Variants in ARMCX4 observed in about 807,000 individuals in gnomAD.
The protein encoded by ARMCX4 is armadillo repeat-containing X-linked protein 4.
In ARMCX4, 3 loss-of-function variants were observed where a neutral mutation model predicts 34.7. The observed-to-expected ratio is 0.09, with a 90% CI of 0.04 to 0.22. The LOEUF is 0.22. Among genes scored for constraint, ARMCX4 ranks in the 10% least tolerant of loss-of-function variants. The probability of loss-of-function intolerance (pLI) is 1.00; values close to 1 mark genes in which losing one functional copy is unlikely to be tolerated. For missense variants in ARMCX4, 1,448 were observed against 1,720.8 expected (o/e 0.84, Z 2.81); for synonymous variants, 513 against 632.8 (o/e 0.81, Z 2.84).
intron 2 of ARMCX4, among the ~76,000 whole-genome samples, chrX:101,426,827 A>C (rs1243584593): frequency 8.9e-6 from 1 of 111,880 alleles, no homozygotes; most frequent in Non-Finnish European, 1.9e-5. Context: ...TCCAAAGCCC[A>C]TGATCTTAAC....
In ARMCX4 at chrX:101,492,886, A is replaced by G; in HGVS notation, c.4297A>G (p.Ile1433Val). 8.7e-7 allele frequency: 1 copy of G among 1,153,009 alleles called. No individual in the cohort carries two copies. The highest frequency in any genetic ancestry group is 2.6e-5 in the Admixed American group (1 of 38,542). ...GTCATGGGCTAACTCTGGGGACCAA[A>G]TCAGTGGAGGATTCTTAGTTGGGAT... is the stretch of plus-strand genomic sequence containing the variant. The part of the protein sequence containing the change: ...GRSWANSGDQ[I>V]SGGFLVGIVD... Residue 1433 changes from isoleucine to valine, a missense_variant, in exon 6 of 6, where the codon ATC becomes GTC. Ile to Val is a conservative substitution (Grantham distance 29). Coordinates refer to ENST00000423738, the MANE Select transcript of ARMCX4 (RefSeq NM_001256155.3).
At chrX:101,524,058 G>A (rs1356105129) in intron 11 of ARMCX4, 1 of 110,668 alleles carries the variant, frequency 9.0e-6, no homozygotes, top group Admixed American at 9.7e-5. Flanking sequence ...CTGCACCAGA[G>A]CTGGAGCCAG....
chrX:101,452,194 A>G (rs1454522495), downstream of ARMCX4, among the ~76,000 whole-genome samples: 5 of 112,226 alleles, frequency 4.5e-5, no homozygotes. Flanking sequence ...TATAACAAAG[A>G]TCAGTGATTG....
intron 2 of ARMCX4, among the ~76,000 whole-genome samples, chrX:101,438,800 T>C (rs1931013909): frequency 9.0e-6 from 1 of 110,984 alleles, no homozygotes; most frequent in South Asian, 3.8e-4. Context: ...AACCCCTGCC[T>C]TTTTTTGTTT....
At chrX:101,452,290 G>T (rs894717859), downstream of ARMCX4, among the ~76,000 whole-genome samples, 1 of 111,470 alleles carries the variant, frequency 9.0e-6, no homozygotes, top group Non-Finnish European at 1.9e-5. Flanking sequence ...GATCTAAGAA[G>T]CAGAAGTTAT....
intron 11 of ARMCX4, chrX:101,516,744 C>T (rs1934753156): frequency 9.0e-6 from 1 of 111,181 alleles, no homozygotes; most frequent in Admixed American, 9.7e-5. Flanking sequence ...TTACCAAACC[C>T]TCGTCTGATA....
At position 101,475,858 on chromosome X, in the gene ARMCX4, GTA is replaced by G. The variant is rs781795050; in HGVS notation, c.-472-10151_-472-10150del. On this transcript the variant is annotated intron_variant and NMD_transcript_variant, in intron 4 of 15. Transcript: ENST00000433011. Reference sequence around the variant, plus strand: ...GCTTCAAAATATGCAATGCAAAATAGTATATATATATATATGGAAACATTGTT... The same window carrying G: ...GCTTCAAAATATGCAATGCAAAATAGTATATATATATATGGAAACATTGTT... 9.1e-3 allele frequency among the ~76,000 whole-genome samples: 991 copies of G among 108,591 alleles called. 10 individuals are homozygous for G. Among genetic ancestry groups the G allele is most frequent in the African/African-American group, 0.03 (910 of 29,989 alleles). The allele number at this position is 108,591 out of a possible 115,157, so 94.3% of individuals were successfully genotyped here. A position where few individuals can be genotyped will look rare whatever the true frequency, so the allele number is the denominator to read the frequency against.
Position 101,493,167 on chromosome X carries a change from T to C in ARMCX4, c.4578T>C (p.Ala1526=). 2 of 1,154,802 alleles carry C rather than the reference T, an allele frequency of 1.7e-6. No individual in the cohort carries two copies. The highest frequency in any genetic ancestry group is 1.1e-6 in the Non-Finnish European group (1 of 872,542). Residue 1526 remains alanine, a synonymous_variant, in exon 6 of 6, where the codon GCT becomes GCC. Transcript: ENST00000423738. Reference sequence around the variant, plus strand: ...CGAATGGAGGGTCTTGGGGTGGGGCTAGTGGCCAGGATGTTGGAGGGTCTA... The same window carrying C: ...CGAATGGAGGGTCTTGGGGTGGGGCCAGTGGCCAGGATGTTGGAGGGTCTA... The part of the protein sequence containing the change: ...SQTNGGSWGG[A]SGQDVGGSRP...
rs369108897 is a variant in ARMCX4 at position 101,442,717 on chromosome X, C to T, written n.165-1335C>T. ...CCATCCTTGCCCCCAGTTTTCCACCCCTGTAAAGGCTTCCCAGACCTCTCT... is the reference window on the plus strand; with the variant it reads ...CCATCCTTGCCCCCAGTTTTCCACCTCTGTAAAGGCTTCCCAGACCTCTCT... On this transcript the variant is annotated intron_variant and non_coding_transcript_variant, in intron 2 of 3. Transcript: ENST00000430461. Among the ~76,000 whole-genome samples, 110 of 111,271 alleles carry T rather than the reference C, an allele frequency of 9.9e-4. 1 individual carries two copies. Among genetic ancestry groups the T allele is most frequent in the African/African-American group, 3.3e-3 (100 of 30,594 alleles).
intron 2 of ARMCX4, among the ~76,000 whole-genome samples, chrX:101,434,235 T>C (rs1930522651): frequency 9.5e-6 from 1 of 105,427 alleles, no homozygotes; most frequent in Admixed American, 1.1e-4. Flanking sequence ...GTGTGAGCAA[T>C]GTGCCTGGTT....
At chrX:101,470,647 T>C (rs1158948283) in intron 4 of ARMCX4, among the ~76,000 whole-genome samples, 1 of 112,169 alleles carries the variant, frequency 8.9e-6, no homozygotes, top group East Asian at 2.8e-4. Flanking sequence ...TTTATTCATG[T>C]TGTTGCATAT....
downstream of ARMCX4, among the ~76,000 whole-genome samples, chrX:101,448,480 T>C (rs181918845): frequency 4.4e-5 from 5 of 112,656 alleles, no homozygotes; most frequent in East Asian, 1.1e-3. Flanking sequence ...AAGGGTTCCC[T>C]TTTCTCCACA....
At chrX:101,531,295 A>G (rs1280986777) in intron 11 of ARMCX4, among the ~76,000 whole-genome samples, 9 of 112,154 alleles carry the variant, frequency 8.0e-5, no homozygotes, top group Admixed American at 1.9e-4. Flanking sequence ...CCCTTTTGCT[A>G]TATGAGGTAA....
chrX:101,447,404 T>A (rs1056582179), downstream of ARMCX4: 4 of 112,351 alleles, frequency 3.6e-5, no homozygotes, highest in Admixed American at 9.4e-5. Flanking sequence ...TAGTGCTGGG[T>A]CCTATGCTAA....
intron 4 of ARMCX4, among the ~76,000 whole-genome samples, chrX:101,461,505 ATGC>A (rs1433816623): frequency 8.9e-6 from 1 of 112,219 alleles, no homozygotes; most frequent in Non-Finnish European, 1.9e-5. Context: ...ATTGTGAGTA[ATGC>A]TGCTGTGAGC....
exon 8 of ARMCX4, chrX:101,505,093 C>T (rs1934419663): frequency 9.0e-6 from 1 of 110,938 alleles, no homozygotes; most frequent in African/African-American, 3.3e-5. Context: ...GAGGTGGTAC[C>T]CTTAAGAGGC....
chrX:101,493,042 G>C lies in ARMCX4; in HGVS notation c.4453G>C (p.Asp1485His). The change falls in exon 6 of 6, where the codon GAT becomes CAT. Residue 1485 changes from aspartate (D) to histidine (H), a missense_variant. By Grantham distance (81) the Asp-to-His change is moderately conservative (BLOSUM62 -1). Around this residue, in one of 2 missense-constraint regions of ARMCX4, gnomAD observed 1,343 missense variants for 1,540.7 expected, o/e 0.87. Coordinates refer to ENST00000423738, the MANE Select transcript of ARMCX4 (RefSeq NM_001256155.3). ...WADAREQVVGDSRLGLRDQSS... is the reference protein window; with the variant it reads ...WADAREQVVGHSRLGLRDQSS... ...TGATGCCAGGGAGCAGGTTGTTGGA[G>C]ATTCTAGGCTGGGGCTTAGGGACCA... 8.7e-7 allele frequency: 1 copy of C among 1,155,729 alleles called. No individual in the cohort carries two copies. The highest frequency in any genetic ancestry group is 1.1e-6 in the Non-Finnish European group (1 of 872,679).
rs1556008101 is a variant in ARMCX4, at chrX:101,489,802, G to A, written c.1213G>A (p.Val405Ile). The change falls in exon 6 of 6, where the codon GTT becomes ATT. Residue 405 changes from valine to isoleucine, a missense_variant. Val to Ile is a conservative substitution (Grantham distance 29). Coordinates refer to ENST00000423738, the MANE Select transcript of ARMCX4 (RefSeq NM_001256155.3). Reference sequence around the variant, plus strand: ...GAGAGCTGCTGCTCAGCCTCAAGCTGTTGCCAGTACTCACGCTGAGGCCAT... The same window carrying A: ...GAGAGCTGCTGCTCAGCCTCAAGCTATTGCCAGTACTCACGCTGAGGCCAT... ...DMRAAAQPQAVASTHAEAMSD... is the reference protein window; with the variant it reads ...DMRAAAQPQAIASTHAEAMSD... The A allele has an allele frequency of 6.1e-6, 7 of 1,156,003 alleles. No individual in the cohort carries two copies. The highest frequency in any genetic ancestry group is 8.0e-6 in the Non-Finnish European group (7 of 872,891).
chrX:101,486,871 G>A (rs1933746002), intron 2 of ARMCX4, among the ~76,000 whole-genome samples: 1 of 109,537 alleles, frequency 9.1e-6, no homozygotes, highest in Non-Finnish European at 1.9e-5. Flanking sequence ...AGACTGTGGT[G>A]AGCCATGATC....
Sources: gnomAD v4.1 joint callset for allele counts (sites outside exome capture counted in the v4.1 genomes callset) on GRCh38, gnomAD v4.1.1 for gene constraint, gnomAD v4.1.1 regional missense constraint, MANE v1.5 for transcripts, NCBI Gene and HGNC (gene_info 2026-07-23, HGNC 2026-07-21) for gene names.